The following PRMT3 variants were observed in gnomAD, a reference collection of about 807,000 sequenced individuals.
The protein encoded by PRMT3 is protein arginine methyltransferase 3.
In PRMT3, 62 loss-of-function variants were observed where a neutral mutation model predicts 71.9. The observed-to-expected ratio is 0.86, with a 90% CI of 0.70 to 1.07. The LOEUF (loss-of-function observed/expected upper bound fraction) is 1.07. Among genes scored for constraint, PRMT3 ranks in the 50% least tolerant of loss-of-function variants. PRMT3 has a pLI of 0.00. For missense variants in PRMT3, 663 were observed against 643.0 expected, an observed-to-expected ratio of 1.03 and a Z score of -0.34; for synonymous variants, 213 against 220.4, an observed-to-expected ratio of 0.97 and a Z score of 0.30.
intron 8 of PRMT3, chr11:20,407,345 A>G (rs954119741): frequency 3.9e-5 from 6 of 152,256 alleles, no homozygotes; most frequent in African/African-American, 2.4e-5. Flanking sequence ...TTGAGGTACT[A>G]TAACTGTACT....
At chr11:20,402,773 C>T (rs931977419) in intron 7 of PRMT3, 146 bp from the exon 8 acceptor site, 23 of 569,972 alleles carry the variant, frequency 4.0e-5, no homozygotes, top group South Asian at 1.2e-4. Context: ...TTATTGTTTT[C>T]TTAGGAAAAA....
intron 11 of PRMT3, among the ~76,000 whole-genome samples, chr11:20,457,837 A>G (rs1186835572): frequency 1.3e-5 from 2 of 152,078 alleles, no homozygotes. Flanking sequence ...TCAGATCTGC[A>G]TTTTTCACAT....
chr11:20,456,874 C>CT (rs1415116392), intron 11 of PRMT3, among the ~76,000 whole-genome samples: 12 of 151,938 alleles, frequency 7.9e-5, no homozygotes, highest in Non-Finnish European at 1.5e-4. Flanking sequence ...TTTAAGTTGT[C>CT]TTTTTTATTT....
chr11:20,507,634 C>T (rs1187770135), intron 15 of PRMT3, among the ~76,000 whole-genome samples: 1 of 151,916 alleles, frequency 6.6e-6, no homozygotes, highest in African/African-American at 2.4e-5. Context: ...ACAAAATTAG[C>T]AGGTCATGGT....
chr11:20,408,974 G>A (rs904909989), intron 9 of PRMT3, among the ~76,000 whole-genome samples: 2 of 152,120 alleles, frequency 1.3e-5, no homozygotes, highest in African/African-American at 2.4e-5. Flanking sequence ...GTGCATGCCT[G>A]TAATTCCACC....
At chr11:20,401,439 C>T (rs1848946610) in intron 7 of PRMT3, among the ~76,000 whole-genome samples, 1 of 151,890 alleles carries the variant, frequency 6.6e-6, no homozygotes, top group African/African-American at 2.4e-5. Flanking sequence ...TTTTGTAAAG[C>T]AGTGAGAAAT....
intron 13 of PRMT3, among the ~76,000 whole-genome samples, chr11:20,474,296 G>C (rs927887320): frequency 1.3e-5 from 2 of 152,194 alleles, no homozygotes; most frequent in African/African-American, 4.8e-5. Context: ...TAGTCAAGTT[G>C]ACAGAACTGC....
At chr11:20,488,730 T>A (rs148765027) in intron 13 of PRMT3, among the ~76,000 whole-genome samples, 1 of 152,344 alleles carries the variant, frequency 6.6e-6, no homozygotes, top group East Asian at 1.9e-4. Context: ...GTTGCCATCC[T>A]ATTACATACA....
At chr11:20,418,261 C>T (rs999494891) in intron 9 of PRMT3, among the ~76,000 whole-genome samples, 1 of 152,048 alleles carries the variant, frequency 6.6e-6, no homozygotes, top group African/African-American at 2.4e-5. Flanking sequence ...GATAAAGATT[C>T]ATTTGGTTTA....
At chr11:20,450,847 G>A (rs926202872) in intron 10 of PRMT3, among the ~76,000 whole-genome samples, 1 of 152,052 alleles carries the variant, frequency 6.6e-6, no homozygotes, top group African/African-American at 2.4e-5. Context: ...TGTGGTTAAA[G>A]AATATTATAC....
At chr11:20,392,674 C>T (rs1353497318) in intron 4 of PRMT3, among the ~76,000 whole-genome samples, 2 of 146,410 alleles carry the variant, frequency 1.4e-5, no homozygotes, top group Admixed American at 6.9e-5. Flanking sequence ...CATGACAACG[C>T]TTTCCCCAAA....
At chr11:20,469,056 A>G (rs1850582408) in intron 13 of PRMT3, among the ~76,000 whole-genome samples, 1 of 152,230 alleles carries the variant, frequency 6.6e-6, no homozygotes, top group Non-Finnish European at 1.5e-5. Context: ...CTGGTACCAC[A>G]TAGCAGTTTT....
At position 20,402,986 on chromosome 11, in the gene PRMT3, T is replaced by A; in HGVS notation, c.771+2T>A. 6.4e-7 allele frequency: 1 copy of A among 1,572,850 alleles called. No homozygotes were observed. The highest frequency in any genetic ancestry group is 8.8e-7 in the Non-Finnish European group (1 of 1,142,782). ...AATCCACATATCTTCAAAGACAAGG[T>A]AAGTAGTATAGGTTATAGAATTATA... is the stretch of plus-strand genomic sequence containing the variant. On this transcript the variant is annotated splice_donor_variant, in intron 8 of 15. Transcript: ENST00000331079. LOFTEE classifies it high-confidence loss of function.
At position 20,417,153 on chromosome 11, in the gene PRMT3, T is replaced by C. The variant is rs1198236216; in HGVS notation, c.893+9121T>C. 2.0e-5 allele frequency among the ~76,000 whole-genome samples: 3 copies of C among 152,144 alleles called. No individual in the cohort carries two copies. In the East Asian group the frequency reaches 5.8e-4, roughly 29 times the overall value. On this transcript the variant is annotated intron_variant, in intron 9 of 15. Coordinates refer to ENST00000331079, the MANE Select transcript of PRMT3 (RefSeq NM_005788.4). ...GGTTTACCAATATAATTTCATTCCC[T>C]TTTTTCTCTCACTGAATTATGAGAT...
At chr11:20,452,053 G>A (rs893199412) in intron 10 of PRMT3, 77 bp from the exon 11 acceptor site, 2 of 1,009,702 alleles carry the variant, frequency 2.0e-6, no homozygotes, top group South Asian at 1.7e-5. Flanking sequence ...TAAAAGAGTA[G>A]CACCGATGTT....
At chr11:20,416,744 A>G (rs1849313537) in intron 9 of PRMT3, among the ~76,000 whole-genome samples, 1 of 152,196 alleles carries the variant, frequency 6.6e-6, no homozygotes, top group African/African-American at 2.4e-5. Flanking sequence ...TTGTAAATAA[A>G]GATGATACAT....
At chr11:20,454,347 A>C (rs1444706105) in intron 11 of PRMT3, among the ~76,000 whole-genome samples, 2 of 152,244 alleles carry the variant, frequency 1.3e-5, no homozygotes, top group African/African-American at 4.8e-5. Context: ...TAATACATTT[A>C]AATTGAATTC....
intron 10 of PRMT3, among the ~76,000 whole-genome samples, chr11:20,428,087 A>G: frequency 6.7e-6 from 1 of 149,850 alleles, no homozygotes; most frequent in South Asian, 2.1e-4. Context: ...CAGTATGTTG[A>G]TTTTTTTTTT....
At chr11:20,433,252 G>A (rs1410303557) in intron 10 of PRMT3, among the ~76,000 whole-genome samples, 3 of 151,664 alleles carry the variant, frequency 2.0e-5, no homozygotes, top group African/African-American at 4.8e-5. Flanking sequence ...TTCCCTTCTC[G>A]TATTCGTGAG....
Sources: allele counts gnomAD v4.1 joint callset (sites outside exome capture counted in the v4.1 genomes callset), GRCh38; gene constraint gnomAD v4.1.1; transcripts MANE v1.5; gene names NCBI Gene and HGNC (gene_info 2026-07-23, HGNC 2026-07-21).